The following CSMD1 variants were observed in gnomAD, a reference collection of about 807,000 sequenced individuals.
The protein encoded by CSMD1 is CUB and Sushi multiple domains 1.
CSMD1 carries 213 observed loss-of-function variants against 417.5 expected under a neutral mutation model. The observed-to-expected ratio is 0.51, with a 90% CI of 0.46 to 0.57. The LOEUF (loss-of-function observed/expected upper bound fraction) is 0.57. CSMD1 is among the 20% of genes least tolerant of loss of function. CSMD1 has a pLI of 0.00. For synonymous variants in CSMD1, 2,862 were observed against 1,736.8 expected (o/e 1.65, Z -16.11); for missense variants, 6,923 against 4,529.7 (o/e 1.53, Z -15.17).
At chr8:3,306,814 G>A (rs991913287) in intron 25 of CSMD1, among the ~76,000 whole-genome samples, 1 of 150,628 alleles carries the variant, frequency 6.6e-6, no homozygotes, top group African/African-American at 2.4e-5. Flanking sequence ...TTTCTGAGTA[G>A]ATCACCAAGA....
chr8:4,017,923 A>G (rs1796601487), intron 4 of CSMD1, among the ~76,000 whole-genome samples: 1 of 152,162 alleles, frequency 6.6e-6, no homozygotes, highest in African/African-American at 2.4e-5. Flanking sequence ...GATGACTCCA[A>G]TCATAAAGCT....
intron 1 of CSMD1, among the ~76,000 whole-genome samples, chr8:4,855,434 GAGA>G (rs1801740694): frequency 6.6e-6 from 1 of 152,156 alleles, no homozygotes; most frequent in Non-Finnish European, 1.5e-5. Context: ...GACGAGCTGA[GAGA>G]AGAAGGCTTC....
chr8:4,008,495 C>G (rs765345515), intron 4 of CSMD1, among the ~76,000 whole-genome samples: 1 of 148,464 alleles, frequency 6.7e-6, no homozygotes, highest in Non-Finnish European at 1.5e-5. Flanking sequence ...CTTGTTTACA[C>G]ATGATGCAGA....
At chr8:4,182,533 C>A (rs527366708) in intron 3 of CSMD1, among the ~76,000 whole-genome samples, 2 of 152,012 alleles carry the variant, frequency 1.3e-5, no homozygotes, top group African/African-American at 4.8e-5. Context: ...TATGCTCAAT[C>A]GATATTTGTT....
intron 2 of CSMD1, among the ~76,000 whole-genome samples, chr8:4,609,211 A>G (rs868736890): frequency 6.6e-6 from 1 of 152,114 alleles, no homozygotes. Flanking sequence ...ACCAGCCTGG[A>G]CAAGATGGTG....
chr8:3,870,436 T>C (rs1030856691), intron 5 of CSMD1, among the ~76,000 whole-genome samples: 1 of 152,186 alleles, frequency 6.6e-6, no homozygotes, highest in African/African-American at 2.4e-5. Flanking sequence ...TGCATATATC[T>C]TTACATGTTG....
At chr8:4,894,027 CTTTGA>C (rs138145624) in intron 1 of CSMD1, among the ~76,000 whole-genome samples, 7,271 of 152,020 alleles carry the variant, frequency 0.048, 254 homozygotes, top group South Asian at 0.15. Context: ...TGGATTTTCT[CTTTGA>C]TTTATTTTGT....
rs113944773 is a variant in CSMD1, at chr8:3,986,036, C to A, written c.818+11867G>T. Among the ~76,000 whole-genome samples the A allele has an allele frequency of 4.7e-3, 720 of 152,180 alleles. 6 individuals are homozygous for A. Among genetic ancestry groups the A allele is most frequent in the African/African-American group, 0.016 (654 of 41,508 alleles). On this transcript the variant is annotated intron_variant, in intron 5 of 69. Transcript: ENST00000635120. Reference sequence around the variant, plus strand: ...CCTGCTTCTCTTTGCTATCTCAAAGCCCTGTCTTTTCCTCTTCATTATATG... The same window carrying A: ...CCTGCTTCTCTTTGCTATCTCAAAGACCTGTCTTTTCCTCTTCATTATATG...
At chr8:3,699,207 G>A (rs572102893) in intron 7 of CSMD1, among the ~76,000 whole-genome samples, 10 of 152,328 alleles carry the variant, frequency 6.6e-5, no homozygotes, top group African/African-American at 2.4e-4. Context: ...ACTGACTAGA[G>A]CACACAATGT....
chr8:3,865,289 C>T lies in CSMD1; in HGVS notation c.819-111247G>A, dbSNP rs563112350. Among the ~76,000 whole-genome samples the T allele has an allele frequency of 7.2e-5, 11 of 152,292 alleles. No individual in the cohort carries two copies. In the South Asian group the frequency reaches 1.5e-3, roughly 20 times the overall value. ...TACTTCTGCCTCACATCTCAGAGAG[C>T]GGTACTTCAATGTGACATACGCACT... On this transcript the variant is annotated intron_variant, in intron 5 of 69. Transcript: ENST00000635120.
At chr8:4,540,043 G>C (rs1051140492) in intron 2 of CSMD1, among the ~76,000 whole-genome samples, 1 of 152,122 alleles carries the variant, frequency 6.6e-6, no homozygotes, top group Non-Finnish European at 1.5e-5. Context: ...GCAGCAAGCT[G>C]AACCTCCCCC....
chr8:3,849,040 G>A (rs1049371152), intron 5 of CSMD1, among the ~76,000 whole-genome samples: 1 of 151,854 alleles, frequency 6.6e-6, no homozygotes, highest in Non-Finnish European at 1.5e-5. Context: ...CTTAAACTTA[G>A]TGGCATGCAG....
chr8:3,658,923 C>G (rs962834411), intron 7 of CSMD1, among the ~76,000 whole-genome samples: 1 of 152,076 alleles, frequency 6.6e-6, no homozygotes, highest in African/African-American at 2.4e-5. Flanking sequence ...CATTCTTGAC[C>G]TACCAAATAA....
chr8:3,815,218 A>G (rs11989967), intron 5 of CSMD1, among the ~76,000 whole-genome samples: 1,846 of 152,224 alleles, frequency 0.012, 38 homozygotes, highest in African/African-American at 0.041. Context: ...CTCTCCTTTT[A>G]TGGGAACATA....
intron 12 of CSMD1, among the ~76,000 whole-genome samples, chr8:3,432,188 C>T (rs1423038298): frequency 6.6e-6 from 1 of 152,146 alleles, no homozygotes; most frequent in Non-Finnish European, 1.5e-5. Context: ...GCATTATAAT[C>T]AGGAAGAGGC....
chr8:3,317,879 T>A (rs1394488700), intron 23 of CSMD1, among the ~76,000 whole-genome samples: 1 of 152,218 alleles, frequency 6.6e-6, no homozygotes. Flanking sequence ...GGCGCCATCT[T>A]GGCTCACTAC....
chr8:3,863,395 CAAAAAA>C (rs35446566), intron 5 of CSMD1, among the ~76,000 whole-genome samples: 9 of 90,320 alleles, frequency 1.0e-4, no homozygotes, highest in Non-Finnish European at 2.0e-4. Flanking sequence ...ATACTCTGCT[CAAAAAA>C]AAAAAAAAAA....
intron 32 of CSMD1, among the ~76,000 whole-genome samples, chr8:3,200,024 C>T (rs1217661409): frequency 1.3e-5 from 2 of 152,084 alleles, no homozygotes; most frequent in Non-Finnish European, 2.9e-5. Context: ...TTAAAATATA[C>T]TGTAATCATT....
chr8:3,004,517 G>C (rs550206219), intron 52 of CSMD1, among the ~76,000 whole-genome samples: 4 of 152,318 alleles, frequency 2.6e-5, no homozygotes, highest in Admixed American at 2.6e-4. Flanking sequence ...GCAAATGGTT[G>C]AAGAATTAGG....
Sources: gnomAD v4.1 joint callset for allele counts (sites outside exome capture counted in the v4.1 genomes callset) on GRCh38, gnomAD v4.1.1 for gene constraint, MANE v1.5 for transcripts, NCBI Gene and HGNC (gene_info 2026-07-23, HGNC 2026-07-21) for gene names.